EXOC4: variants seen among roughly 807,000 people sequenced by gnomAD.
EXOC4 encodes SEC8-like 1.
EXOC4 carries 71 observed loss-of-function variants against 107.2 expected under a neutral mutation model. The ratio of observed to expected loss-of-function variants is 0.66; its 90% CI spans 0.55 to 0.81. EXOC4 has a LOEUF of 0.81. Among genes scored for constraint, EXOC4 ranks in the 30% least tolerant of loss-of-function variants. The probability of loss-of-function intolerance (pLI) is 0.00; values close to 1 mark genes in which losing one functional copy is unlikely to be tolerated. For synonymous variants in EXOC4, 456 were observed against 441.2 expected (o/e 1.03, Z -0.42); for missense variants, 1,108 against 1,189.6 (o/e 0.93, Z 1.01).
At chr7:133,757,151 T>C (rs1795935706) in intron 10 of EXOC4, among the ~76,000 whole-genome samples, 1 of 152,184 alleles carries the variant, frequency 6.6e-6, no homozygotes. Flanking sequence ...ATGCCATCCT[T>C]TTTTCCAGGG....
chr7:133,830,203 C>T (rs929578448), intron 11 of EXOC4, among the ~76,000 whole-genome samples: 1 of 152,036 alleles, frequency 6.6e-6, no homozygotes, highest in Non-Finnish European at 1.5e-5. Flanking sequence ...CTTTTTTTTC[C>T]ACAAACATTT....
At chr7:133,656,929 T>C (rs746637421) in intron 10 of EXOC4, among the ~76,000 whole-genome samples, 13 of 152,256 alleles carry the variant, frequency 8.5e-5, no homozygotes, top group Non-Finnish European at 1.8e-4. Flanking sequence ...AAATAACAAA[T>C]GGCACTTAGG....
intron 17 of EXOC4, among the ~76,000 whole-genome samples, chr7:134,048,735 G>T (rs996835326): frequency 6.6e-6 from 1 of 152,190 alleles, no homozygotes; most frequent in Admixed American, 6.5e-5. Flanking sequence ...CATACTAGAG[G>T]TGAGAGCCTG....
At chr7:134,001,448 A>G (rs1450050100) in intron 15 of EXOC4, among the ~76,000 whole-genome samples, 1 of 147,024 alleles carries the variant, frequency 6.8e-6, no homozygotes, top group Admixed American at 7.0e-5. Context: ...TGAATTTGGC[A>G]TTCGCTGATG....
chr7:133,825,526 A>G (rs1177108546), intron 11 of EXOC4, among the ~76,000 whole-genome samples: 1 of 152,206 alleles, frequency 6.6e-6, no homozygotes, highest in Non-Finnish European at 1.5e-5. Context: ...TTACAGTATA[A>G]TAATTTGCTA....
chr7:134,072,616 G>A, the EXOC4 span, among the ~76,000 whole-genome samples: 3 of 152,160 alleles, frequency 2.0e-5, no homozygotes, highest in African/African-American at 7.2e-5. Flanking sequence ...CTATGCTAAG[G>A]TGCCAGATTT....
chr7:133,942,373 A>G (rs1333714481), intron 14 of EXOC4, among the ~76,000 whole-genome samples: 2 of 152,018 alleles, frequency 1.3e-5, no homozygotes, highest in East Asian at 1.9e-4. Context: ...TATTTTCTCT[A>G]TAAAATATTG....
At chr7:134,074,198 CTT>C in the EXOC4 span, among the ~76,000 whole-genome samples, 2 of 152,226 alleles carry the variant, frequency 1.3e-5, no homozygotes, top group Non-Finnish European at 2.9e-5. Flanking sequence ...CCCAGAGTCT[CTT>C]TCCTTTCTGC....
Position 133,630,988 on chromosome 7 carries a change from C to G in EXOC4, c.1514+847C>G, listed in dbSNP as rs77416654. On this transcript the variant is annotated intron_variant, in intron 10 of 17. Transcript: ENST00000253861. ...TTTATGATAAAAAAGTTCTAGAGAT[C>G]TGTTACATAACCATGTGCGCATAGT... Among the ~76,000 whole-genome samples, 68 of 152,248 alleles carry G rather than the reference C, an allele frequency of 4.5e-4. 1 individual carries two copies. The East Asian group carries it at 0.012, about 26-fold the overall frequency.
At chr7:133,677,205 T>C (rs1794082672) in intron 10 of EXOC4, among the ~76,000 whole-genome samples, 1 of 152,148 alleles carries the variant, frequency 6.6e-6, no homozygotes, top group South Asian at 2.1e-4. Flanking sequence ...AACAGAAGAT[T>C]CTTGTTAACA....
rs140583350 is a variant in EXOC4 at position 133,401,491 on chromosome 7, T to G, written c.1182+26489T>G. Reference sequence around the variant, plus strand: ...GCCTGTGCAATATACTGAGACCCCCTTCTCTACAAAAAATAAAAACATTAG... The same window carrying G: ...GCCTGTGCAATATACTGAGACCCCCGTCTCTACAAAAAATAAAAACATTAG... On this transcript the variant is annotated intron_variant, in intron 7 of 17. Coordinates refer to ENST00000253861, the MANE Select transcript of EXOC4 (RefSeq NM_021807.4). Among the ~76,000 whole-genome samples, 394 of 151,908 alleles carry G rather than the reference T, an allele frequency of 2.6e-3. 1 individual carries two copies. The highest frequency in any genetic ancestry group is 9.2e-3 in the African/African-American group (382 of 41,422).
At chr7:133,838,935 A>G (rs1201433560) in intron 11 of EXOC4, among the ~76,000 whole-genome samples, 3 of 152,206 alleles carry the variant, frequency 2.0e-5, no homozygotes, top group Admixed American at 6.5e-5. Flanking sequence ...TGCTTAGGCA[A>G]TGTATTTGAA....
chr7:134,020,964 C>T lies in EXOC4; in HGVS notation c.2687+13129C>T, dbSNP rs967639034. On this transcript the variant is annotated intron_variant, in intron 17 of 17. Coordinates refer to ENST00000253861, the MANE Select transcript of EXOC4 (RefSeq NM_021807.4). ...TTGCACCACTGCACTCCAGCCTGGG[C>T]GACAGAGCAAGACTGTCTCAAAAAA... Among the ~76,000 whole-genome samples the T allele has an allele frequency of 4.7e-5, 7 of 148,972 alleles. No individual in the cohort carries two copies. In the East Asian group the frequency reaches 5.9e-4, roughly 13 times the overall value.
In EXOC4 at chr7:133,318,102, T is replaced by A. The variant is rs147550508; in HGVS notation, c.763+712T>A. Among the ~76,000 whole-genome samples the A allele has an allele frequency of 2.6e-3, 402 of 152,370 alleles. 1 individual carries two copies. The highest frequency in any genetic ancestry group is 9.4e-3 in the African/African-American group (390 of 41,588). On this transcript the variant is annotated intron_variant, in intron 5 of 17. Coordinates refer to ENST00000253861, the MANE Select transcript of EXOC4 (RefSeq NM_021807.4). ...TTCAGTGTCTGGTCCTGGGAGCTTC[T>A]GAGTGTGTGACCTCTGTCCTATGCC...
intron 10 of EXOC4, among the ~76,000 whole-genome samples, chr7:133,809,998 A>G (rs2542276): frequency 0.86 from 130,557 of 152,216 alleles, 56,231 homozygotes; most frequent in East Asian, 0.99. Context: ...AGCAAGAGTA[A>G]CAGAAAACAA....
At chr7:133,386,632 C>T (rs928908196) in intron 7 of EXOC4, among the ~76,000 whole-genome samples, 3 of 152,076 alleles carry the variant, frequency 2.0e-5, no homozygotes, top group African/African-American at 7.2e-5. Context: ...TGTACCATAA[C>T]GTGTATGCAA....
intron 7 of EXOC4, among the ~76,000 whole-genome samples, chr7:133,404,935 G>A (rs1285455260): frequency 1.5e-5 from 2 of 134,186 alleles, no homozygotes; most frequent in African/African-American, 5.7e-5. Context: ...TTAGTTGGGT[G>A]TGATAACCTA....
chr7:133,827,370 A>G (rs928899980), intron 11 of EXOC4, among the ~76,000 whole-genome samples: 1 of 152,208 alleles, frequency 6.6e-6, no homozygotes, highest in African/African-American at 2.4e-5. Flanking sequence ...AAGAAACAGG[A>G]TCTCATCTGA....
At chr7:133,432,524 T>G (rs1411458970) in intron 7 of EXOC4, among the ~76,000 whole-genome samples, 1 of 152,196 alleles carries the variant, frequency 6.6e-6, no homozygotes, top group African/African-American at 2.4e-5. Context: ...AATATATGTA[T>G]TCCTCTCCCC....
Sources: allele counts gnomAD v4.1 joint callset (sites outside exome capture counted in the v4.1 genomes callset), GRCh38; gene constraint gnomAD v4.1.1; transcripts MANE v1.5; gene names NCBI Gene and HGNC (gene_info 2026-07-23, HGNC 2026-07-21).